The following AAK1 variants were observed in gnomAD, a reference collection of about 807,000 sequenced individuals.
The protein encoded by AAK1 is AP2 associated kinase 1, also known as AP2-associated protein kinase 1.
AAK1 carries 37 observed loss-of-function variants against 116.0 expected under a neutral mutation model. The ratio of observed to expected loss-of-function variants is 0.32; its 90% CI spans 0.25 to 0.42. The LOEUF (loss-of-function observed/expected upper bound fraction) is 0.42. Ranked by LOEUF, AAK1 falls within the 10% of genes least tolerant of loss-of-function variation. The pLI is 1.00. For missense variants in AAK1, 919 were observed against 1,170.6 expected, an observed-to-expected ratio of 0.79 and a Z score of 3.14; for synonymous variants, 458 against 439.9, an observed-to-expected ratio of 1.04 and a Z score of -0.51.
At chr2:69,631,939 C>T (rs1675203129) in intron 2 of AAK1, among the ~76,000 whole-genome samples, 1 of 152,080 alleles carries the variant, frequency 6.6e-6, no homozygotes, top group Admixed American at 6.5e-5. Context: ...GAGATCACCC[C>T]ACTGGGTGAC....
In AAK1 at chr2:69,470,883, CTTATT is replaced by C. The variant is rs757933661; in HGVS notation, c.*4981_*4985del. 3.4e-5 allele frequency: 34 copies of C among 985,808 alleles called. No homozygotes were observed. The highest frequency in any genetic ancestry group is 1.4e-4 in the South Asian group (3 of 21,286). 61.1% of individuals were successfully genotyped at this position (985,808 alleles called of 1,614,324 possible). A position where few individuals can be genotyped will look rare whatever the true frequency, so the allele number is the denominator to read the frequency against. The stretch of plus-strand genomic sequence containing the variant: ...GGTTTTCAGCTCAGGAAAAGAGCAA[CTTATT>C]TTAAGTTATTTACATCTCTAAACAT... On this transcript the variant is annotated 3_prime_UTR_variant, in exon 22 of 22. Transcript: ENST00000409085.
intron 5 of AAK1, among the ~76,000 whole-genome samples, chr2:69,539,441 C>G (rs1330664885): frequency 6.6e-6 from 1 of 152,096 alleles, no homozygotes; most frequent in Non-Finnish European, 1.5e-5. Flanking sequence ...GGCAAAAGGT[C>G]ACATGGATCA....
In AAK1 at chr2:69,459,164, G is replaced by C. The variant is rs1179141424; in HGVS notation, c.*16705C>G. 6.6e-6 allele frequency: 1 copy of C among 152,126 alleles called. No homozygotes were observed. The highest frequency in any genetic ancestry group is 1.5e-5 in the Non-Finnish European group (1 of 68,024). The allele number at this position is 152,126 out of a possible 1,614,324, so 9.4% of individuals were successfully genotyped here. On this transcript the variant is annotated 3_prime_UTR_variant, in exon 22 of 22. Transcript: ENST00000409085. Reference sequence around the variant, plus strand: ...CTGCATTCCGGGAAAAGTACCTCTGGGTTGTCACTACAGAGTAAGGCTGGG... The same window carrying C: ...CTGCATTCCGGGAAAAGTACCTCTGCGTTGTCACTACAGAGTAAGGCTGGG...
intron 14 of AAK1, among the ~76,000 whole-genome samples, 189 bp from the exon 15 acceptor site, chr2:69,507,767 C>T (rs139345198): frequency 1.3e-5 from 2 of 150,166 alleles, no homozygotes; most frequent in Admixed American, 6.6e-5. Flanking sequence ...AGCACAATGG[C>T]GTGATCTCGA....
Position 69,465,540 on chromosome 2 carries a change from T to A in AAK1, c.*10329A>T, listed in dbSNP as rs1674457921. ...GATAGAAACAGACCCAGCTATCGAC[T>A]GCTTGTTGGTTTGTGAAACAATTTT... On this transcript the variant is annotated 3_prime_UTR_variant, in exon 22 of 22. Transcript: ENST00000409085. 1.5e-6 allele frequency: 2 copies of A among 1,290,874 alleles called. No homozygotes were observed. Among genetic ancestry groups the A allele is most frequent in the Admixed American group, 2.3e-5 (1 of 43,544 alleles). The allele number at this position is 1,290,874 out of a possible 1,614,324, so 80.0% of individuals were successfully genotyped here. A position where few individuals can be genotyped will look rare whatever the true frequency, so the allele number is the denominator to read the frequency against.
chr2:69,475,751 G>A lies in AAK1; in HGVS notation c.*118C>T. On this transcript the variant is annotated 3_prime_UTR_variant, in exon 22 of 22. Transcript: ENST00000409085. ...AGAAGGCAAGGGGTAGGAGAAAAGG[G>A]CTGGAGGGCCCCTTATTTGCAGATT... 2.0e-6 allele frequency: 3 copies of A among 1,471,356 alleles called. No individual in the cohort carries two copies. The South Asian group carries it at 4.2e-5, about 21-fold the overall frequency. 91.1% of individuals were successfully genotyped at this position (1,471,356 alleles called of 1,614,324 possible). A position where few individuals can be genotyped will look rare whatever the true frequency, so the allele number is the denominator to read the frequency against.
intron 2 of AAK1, among the ~76,000 whole-genome samples, chr2:69,573,582 G>A (rs1672176882): frequency 6.6e-6 from 1 of 152,344 alleles, no homozygotes; most frequent in Non-Finnish European, 1.5e-5. Context: ...GTTGGCTGGC[G>A]TGTGCCTGGA....
At chr2:69,506,755 T>A (rs1676199993) in intron 15 of AAK1, among the ~76,000 whole-genome samples, 1 of 152,202 alleles carries the variant, frequency 6.6e-6, no homozygotes, top group Admixed American at 6.5e-5. Context: ...ATCATTCCTT[T>A]ATCCTGCGCC....
intron 5 of AAK1, among the ~76,000 whole-genome samples, chr2:69,537,129 T>C (rs2105038604): frequency 6.6e-6 from 1 of 152,320 alleles, no homozygotes; most frequent in Middle Eastern, 3.4e-3. Context: ...GTTTCCTCAC[T>C]GGTAAAGAAG....
At chr2:69,569,831 C>G (rs1384540353) in intron 2 of AAK1, among the ~76,000 whole-genome samples, 1 of 152,038 alleles carries the variant, frequency 6.6e-6, no homozygotes, top group Non-Finnish European at 1.5e-5. Flanking sequence ...TCATTGCTGA[C>G]TAGTGTTTCA....
At chr2:69,626,439 ATGAGT>A (rs1269697614) in intron 2 of AAK1, among the ~76,000 whole-genome samples, 1 of 151,618 alleles carries the variant, frequency 6.6e-6, no homozygotes, top group African/African-American at 2.4e-5. Flanking sequence ...GACGTCTGTA[ATGAGT>A]TAACACTCTG....
chr2:69,530,659 C>T lies in AAK1; in HGVS notation c.704G>A (p.Ser235Asn), dbSNP rs1234840702. 6.2e-7 allele frequency: 1 copy of T among 1,613,790 alleles called. No individual in the cohort carries two copies. Among genetic ancestry groups the T allele is most frequent in the Admixed American group, 1.7e-5 (1 of 60,008 alleles). Residue 235 changes from serine (S) to asparagine (N), a missense_variant, in exon 7 of 22, where the codon AGT becomes AAT. Transcript: ENST00000409085. ...TGCCTTCGTAGTGATGATTTTGCCA[C>T]TGTACAGGTTGACCATTTCTGGTGC... ...YRAPEMVNLY[S>N]GKIITTKADI...
At chr2:69,579,368 C>T (rs1188700304) in intron 2 of AAK1, among the ~76,000 whole-genome samples, 1 of 152,072 alleles carries the variant, frequency 6.6e-6, no homozygotes, top group Non-Finnish European at 1.5e-5. Context: ...CTGCTTGAGC[C>T]GAGGGGTTGA....
At chr2:69,531,426 C>T (rs976895979) in intron 6 of AAK1, among the ~76,000 whole-genome samples, 18 of 152,142 alleles carry the variant, frequency 1.2e-4, no homozygotes, top group Admixed American at 3.9e-4. Flanking sequence ...GGTGTGCAGG[C>T]TAGACTGTTG....
chr2:69,565,575 C>T (rs181817041), intron 2 of AAK1, among the ~76,000 whole-genome samples: 60 of 152,334 alleles, frequency 3.9e-4, no homozygotes, highest in African/African-American at 1.4e-3. Context: ...CTCAAGCTGC[C>T]GTCCCCTCCC....
rs1316120724 is a variant in AAK1 at position 69,514,767 on chromosome 2, A to G, written c.1498-18T>C. The stretch of plus-strand genomic sequence containing the variant: ...GCCTGAAACTGAGCAAGAAATGAGG[A>G]GATGAATAAGGGCCTGTCCCAGAAT... On this transcript the variant is annotated intron_variant, in intron 12 of 21. Transcript: ENST00000409085. The G allele has an allele frequency of 1.3e-6, 2 of 1,557,204 alleles. No individual in the cohort carries two copies. Among genetic ancestry groups the G allele is most frequent in the Non-Finnish European group, 1.7e-6 (2 of 1,150,560 alleles).
chr2:69,619,700 A>T (rs969300330), intron 2 of AAK1, among the ~76,000 whole-genome samples: 1 of 152,202 alleles, frequency 6.6e-6, no homozygotes, highest in Non-Finnish European at 1.5e-5. Flanking sequence ...AGAAAGTGAC[A>T]TTTAAGCAAA....
intron 2 of AAK1, among the ~76,000 whole-genome samples, chr2:69,578,836 CT>C (rs1000339413): frequency 3.3e-5 from 5 of 149,832 alleles, no homozygotes; most frequent in Admixed American, 2.7e-4. Context: ...CGGAGTCTCG[CT>C]CTGTCGCCCA....
At chr2:69,615,593 T>C (rs1674289379) in intron 2 of AAK1, among the ~76,000 whole-genome samples, 1 of 152,238 alleles carries the variant, frequency 6.6e-6, no homozygotes, top group Admixed American at 6.5e-5. Context: ...TCCTTCCCTG[T>C]TTCTTTTTGG....
Sources: gnomAD v4.1 joint callset for allele counts (sites outside exome capture counted in the v4.1 genomes callset) on GRCh38, gnomAD v4.1.1 for gene constraint, MANE v1.5 for transcripts, NCBI Gene and HGNC (gene_info 2026-07-23, HGNC 2026-07-21) for gene names.